The following RBMS3 variants were observed in gnomAD, a reference collection of about 807,000 sequenced individuals.
The protein encoded by RBMS3 is RNA-binding motif, single-stranded-interacting protein 3.
RBMS3 carries 27 observed loss-of-function variants against 66.8 expected under a neutral mutation model. The observed-to-expected ratio is 0.40, with a 90% CI of 0.30 to 0.56. RBMS3 has a LOEUF of 0.56. RBMS3 is among the 20% of genes least tolerant of loss of function. The pLI, the probability that RBMS3 is intolerant of heterozygous loss-of-function variation, is 0.40. For missense variants in RBMS3, 513 were observed against 549.5 expected (o/e 0.93, Z 0.66); for synonymous variants, 188 against 183.0 (o/e 1.03, Z -0.22).
At chr3:29,837,742 T>C (rs958149262) in intron 6 of RBMS3, among the ~76,000 whole-genome samples, 2 of 139,194 alleles carry the variant, frequency 1.4e-5, no homozygotes, top group Non-Finnish European at 3.0e-5. Context: ...TGATGAGGAA[T>C]GTGGTATGAT....
At chr3:29,947,187 C>T (rs1462395042) in intron 12 of RBMS3, among the ~76,000 whole-genome samples, 4 of 151,396 alleles carry the variant, frequency 2.6e-5, no homozygotes. Context: ...TGAACTATTT[C>T]TTGGCAAAGT....
At chr3:29,592,462 C>A (rs982514689) in intron 4 of RBMS3, among the ~76,000 whole-genome samples, 5 of 152,144 alleles carry the variant, frequency 3.3e-5, no homozygotes, top group Non-Finnish European at 7.4e-5. Flanking sequence ...AGTGAGATAC[C>A]ATCTCACACC....
At chr3:29,456,433 G>A (rs1466475503) in intron 2 of RBMS3, among the ~76,000 whole-genome samples, 1 of 152,140 alleles carries the variant, frequency 6.6e-6, no homozygotes, top group Non-Finnish European at 1.5e-5. Flanking sequence ...CAGCAGCAGC[G>A]ATGAGCTTGG....
intron 2 of RBMS3, among the ~76,000 whole-genome samples, chr3:29,472,385 G>A (rs111769646): frequency 0.024 from 3,633 of 151,924 alleles, 143 homozygotes; most frequent in African/African-American, 0.082. Flanking sequence ...TAGTAGAGAT[G>A]GCATTTTACC....
intron 1 of RBMS3, among the ~76,000 whole-genome samples, chr3:29,395,194 CCATT>C (rs1388628282): frequency 6.6e-6 from 1 of 152,200 alleles, no homozygotes; most frequent in Non-Finnish European, 1.5e-5. Context: ...CCTCTCCTCT[CCATT>C]GCTAGTCATT....
At chr3:29,313,268 G>T (rs1378948851) in intron 1 of RBMS3, among the ~76,000 whole-genome samples, 1 of 151,714 alleles carries the variant, frequency 6.6e-6, no homozygotes, top group African/African-American at 2.4e-5. Flanking sequence ...TGCACAACAA[G>T]AAAGAGGTAG....
chr3:29,787,032 C>T (rs545344294), intron 6 of RBMS3, among the ~76,000 whole-genome samples: 1 of 152,130 alleles, frequency 6.6e-6, no homozygotes, highest in Admixed American at 6.5e-5. Context: ...CATGAATAGA[C>T]AATTCTCAAA....
rs553520590 is a variant in RBMS3 at position 29,559,510 on chromosome 3, CAAAAAAAAAAAAAAAAAAAAAAAAA to C, written c.308-27585_308-27561del. Among the ~76,000 whole-genome samples the C allele has an allele frequency of 8.6e-3, 356 of 41,332 alleles. 6 individuals carry two copies. Among genetic ancestry groups the C allele is most frequent in the African/African-American group, 0.024 (320 of 13,396 alleles). 27.1% of individuals were successfully genotyped at this position (41,332 alleles called of 152,430 possible). A position where few individuals can be genotyped will look rare whatever the true frequency, so the allele number is the denominator to read the frequency against. ...TGGGTGACAGAGGAAGACTCTGTCT[CAAAAAAAAAAAAAAAAAAAAAAAAA>C]AAAAAAAAAAAAAAAAAACCTGACT... On this transcript the variant is annotated intron_variant, in intron 3 of 14. Coordinates refer to ENST00000383767, the MANE Select transcript of RBMS3 (RefSeq NM_001003793.3).
chr3:29,652,141 A>G (rs2050166007), intron 4 of RBMS3, among the ~76,000 whole-genome samples: 1 of 152,160 alleles, frequency 6.6e-6, no homozygotes, highest in Admixed American at 6.5e-5. Flanking sequence ...AGAAATGTAG[A>G]AATTTCAACG....
chr3:29,450,922 CACACACACA>C, intron 2 of RBMS3, among the ~76,000 whole-genome samples: 2 of 123,656 alleles, frequency 1.6e-5, no homozygotes, highest in Non-Finnish European at 3.7e-5. Context: ...CACACACACA[CACACACACA>C]CCCCCCACAC....
intron 12 of RBMS3, 135 bp downstream of exon 12, chr3:29,944,389 G>C: frequency 1.5e-6 from 1 of 667,020 alleles, no homozygotes; most frequent in Non-Finnish European, 2.7e-6. Flanking sequence ...GTTTGCAAGG[G>C]GGCATGTGTA....
intron 6 of RBMS3, among the ~76,000 whole-genome samples, chr3:29,852,321 T>A (rs186306209): frequency 5.3e-5 from 8 of 152,234 alleles, no homozygotes; most frequent in African/African-American, 1.7e-4. Context: ...TGGGATCTAA[T>A]TTAAAATTAA....
chr3:29,899,734 G>C lies in RBMS3; in HGVS notation c.918G>C (p.Pro306=). The C allele has an allele frequency of 1.2e-6, 2 of 1,610,178 alleles. No homozygotes were observed. The highest frequency in any genetic ancestry group is 1.7e-6 in the Non-Finnish European group (2 of 1,177,870). Reference sequence around the variant, plus strand: ...AGAGTACTTCATGGATGCCTCATCCGCCATACGTTATGCAACCAACAGTAA... The same window carrying C: ...AGAGTACTTCATGGATGCCTCATCCCCCATACGTTATGCAACCAACAGTAA... ...QVQSTSWMPH[P]PYVMQPTGAV... is the part of the protein sequence containing the mutation. Residue 306 remains proline, a synonymous_variant, in exon 10 of 15, where the codon CCG becomes CCC. Coordinates refer to ENST00000383767, the MANE Select transcript of RBMS3 (RefSeq NM_001003793.3).
intron 4 of RBMS3, chr3:29,698,281 T>G: frequency 1.0e-6 from 1 of 985,366 alleles, no homozygotes; most frequent in Non-Finnish European, 1.2e-6. Flanking sequence ...TGGCAAAATG[T>G]AGTCCCTGGT....
chr3:29,540,192 T>G (rs2045707122), intron 3 of RBMS3, among the ~76,000 whole-genome samples: 1 of 152,232 alleles, frequency 6.6e-6, no homozygotes, highest in Non-Finnish European at 1.5e-5. Context: ...AGGGGATATT[T>G]TTATATCTCA....
chr3:29,960,287 TCTC>T (rs1696338777), intron 12 of RBMS3, among the ~76,000 whole-genome samples: 1 of 152,112 alleles, frequency 6.6e-6, no homozygotes, highest in African/African-American at 2.4e-5. Context: ...TCCAAAATGA[TCTC>T]CTTTGACTCC....
chr3:29,956,846 T>G (rs1003511599), intron 12 of RBMS3, among the ~76,000 whole-genome samples: 3 of 152,056 alleles, frequency 2.0e-5, no homozygotes, highest in Non-Finnish European at 4.4e-5. Context: ...GACATAATCC[T>G]CAGTCCTTAG....
At chr3:29,529,455 A>T (rs1007409242) in intron 3 of RBMS3, among the ~76,000 whole-genome samples, 1 of 152,204 alleles carries the variant, frequency 6.6e-6, no homozygotes, top group Non-Finnish European at 1.5e-5. Flanking sequence ...ATAAAATTTT[A>T]CTTTTTTGAA....
At chr3:29,304,741 T>A (rs2033900479) in intron 1 of RBMS3, among the ~76,000 whole-genome samples, 1 of 151,956 alleles carries the variant, frequency 6.6e-6, no homozygotes, top group African/African-American at 2.4e-5. Context: ...CCACCGGATA[T>A]TACCACCCAC....
Sources: gnomAD v4.1 joint callset for allele counts (sites outside exome capture counted in the v4.1 genomes callset) on GRCh38, gnomAD v4.1.1 for gene constraint, MANE v1.5 for transcripts, NCBI Gene and HGNC (gene_info 2026-07-23, HGNC 2026-07-21) for gene names.